Variants in SPATA16 observed in about 807,000 individuals in gnomAD.
SPATA16 encodes the protein spermatogenesis associated 16.
A neutral mutation model predicts 63.3 loss-of-function variants in SPATA16; 36 were observed. The observed-to-expected ratio is 0.57, with a 90% CI of 0.44 to 0.75. The LOEUF (loss-of-function observed/expected upper bound fraction) is 0.75. Among genes scored for constraint, SPATA16 ranks in the 30% least tolerant of loss-of-function variants. SPATA16 has a pLI of 0.00. For synonymous variants in SPATA16, 203 were observed against 216.7 expected, an observed-to-expected ratio of 0.94 and a Z score of 0.56; for missense variants, 646 against 679.3, an observed-to-expected ratio of 0.95 and a Z score of 0.54.
chr3:173,081,677 T>A (rs1736925106), intron 2 of SPATA16, among the ~76,000 whole-genome samples: 1 of 152,020 alleles, frequency 6.6e-6, no homozygotes, highest in East Asian at 1.9e-4. Context: ...GTGGAGTAAA[T>A]GAAAACACAG....
chr3:173,012,224 C>T (rs929191132), intron 4 of SPATA16, among the ~76,000 whole-genome samples: 6 of 152,046 alleles, frequency 3.9e-5, no homozygotes, highest in African/African-American at 1.5e-4. Flanking sequence ...AGGAACACAG[C>T]TAACTAAGGA....
intron 2 of SPATA16, among the ~76,000 whole-genome samples, chr3:173,056,086 A>C (rs1736214851): frequency 6.6e-6 from 1 of 152,178 alleles, no homozygotes; most frequent in Non-Finnish European, 1.5e-5. Context: ...GATTTCTATA[A>C]TAAGGAGTAA....
At chr3:172,903,318 G>GA (rs1336969987) in intron 10 of SPATA16, among the ~76,000 whole-genome samples, 1 of 152,190 alleles carries the variant, frequency 6.6e-6, no homozygotes, top group Admixed American at 6.5e-5. Context: ...GATGCATTTT[G>GA]AAAAACTTTT....
intron 8 of SPATA16, among the ~76,000 whole-genome samples, chr3:172,917,694 A>G (rs1236310656): frequency 6.6e-6 from 1 of 152,198 alleles, no homozygotes; most frequent in Non-Finnish European, 1.5e-5. Flanking sequence ...AGTAAAGACT[A>G]TTTTGGTTTG....
intron 4 of SPATA16, among the ~76,000 whole-genome samples, chr3:173,017,282 A>G (rs1420497233): frequency 2.6e-5 from 4 of 152,230 alleles, no homozygotes; most frequent in Non-Finnish European, 5.9e-5. Context: ...AAGAAGCATT[A>G]TCAGGTCAGT....
At chr3:173,056,562 G>A (rs1222726955) in intron 2 of SPATA16, among the ~76,000 whole-genome samples, 2 of 152,136 alleles carry the variant, frequency 1.3e-5, no homozygotes, top group East Asian at 3.9e-4. Context: ...AAATTAGCTG[G>A]AAGTGGTGGC....
chr3:173,032,236 A>G (rs1735622116), intron 3 of SPATA16, among the ~76,000 whole-genome samples: 2 of 152,134 alleles, frequency 1.3e-5, no homozygotes, highest in East Asian at 3.8e-4. Context: ...GAAAAATATT[A>G]AATTATTGAA....
intron 8 of SPATA16, among the ~76,000 whole-genome samples, chr3:172,918,583 T>G (rs1732550422): frequency 6.6e-6 from 1 of 152,032 alleles, no homozygotes; most frequent in Non-Finnish European, 1.5e-5. Context: ...GAAAAAGAAA[T>G]AAAATTGATA....
At chr3:173,075,149 G>T (rs557695951) in intron 2 of SPATA16, among the ~76,000 whole-genome samples, 2 of 140,996 alleles carry the variant, frequency 1.4e-5, no homozygotes, top group African/African-American at 5.2e-5. Flanking sequence ...AATAAAAGTT[G>T]AAATTATAAA....
rs1341307193 is a variant in SPATA16, at chr3:172,916,400, G to C, written c.1420C>G (p.Gln474Glu). 12 of 1,613,712 alleles carry C rather than the reference G, an allele frequency of 7.4e-6. No homozygotes were observed. The highest frequency in any genetic ancestry group is 1.0e-5 in the Non-Finnish European group (12 of 1,179,806). Residue 474 changes from glutamine (Q) to glutamate (E), a missense_variant, in exon 9 of 11, where the codon CAG (glutamine) becomes GAG (glutamate). By Grantham distance (29) the Gln-to-Glu change is conservative. Coordinates refer to ENST00000351008, the MANE Select transcript of SPATA16 (RefSeq NM_031955.6). ...LLSQLQRVKE[Q>E]SQVINQAMAE... ...ATTGCTTGATTAATCACCTGGGACT[G>C]CTCCTTTACTCTCTGCAGCTGGCTG...
intron 4 of SPATA16, among the ~76,000 whole-genome samples, chr3:173,012,116 T>A (rs1328971699): frequency 1.3e-5 from 2 of 152,204 alleles, no homozygotes; most frequent in African/African-American, 4.8e-5. Context: ...TGAGTCACCA[T>A]GCCTAGCATT....
chr3:172,960,247 C>G (rs1381622215), intron 5 of SPATA16, among the ~76,000 whole-genome samples: 5 of 152,150 alleles, frequency 3.3e-5, no homozygotes, highest in Admixed American at 3.3e-4. Context: ...CATAAATATT[C>G]TGTAATTGAA....
At chr3:172,951,607 TG>T (rs1338543880) in intron 6 of SPATA16, among the ~76,000 whole-genome samples, 2 of 152,178 alleles carry the variant, frequency 1.3e-5, no homozygotes, top group African/African-American at 4.8e-5. Context: ...GACTGTGAAT[TG>T]GGGGCTGGCT....
intron 2 of SPATA16, among the ~76,000 whole-genome samples, chr3:173,094,628 G>C (rs1035716684): frequency 6.6e-6 from 1 of 150,812 alleles, no homozygotes; most frequent in African/African-American, 2.4e-5. Flanking sequence ...GAGCATGTAA[G>C]CTATTCTAAT....
At chr3:173,137,872 C>CAG (rs1400381032) in intron 1 of SPATA16, among the ~76,000 whole-genome samples, 4 of 143,730 alleles carry the variant, frequency 2.8e-5, no homozygotes, top group Non-Finnish European at 6.2e-5. Context: ...CACACACACA[C>CAG]AGACACACAC....
intron 3 of SPATA16, among the ~76,000 whole-genome samples, chr3:173,046,676 T>C (rs1560105982): frequency 6.6e-6 from 1 of 152,164 alleles, no homozygotes; most frequent in East Asian, 1.9e-4. Context: ...GAATTCTGCA[T>C]TGAGTATATA....
At chr3:173,136,100 T>C (rs1421464833) in intron 1 of SPATA16, among the ~76,000 whole-genome samples, 1 of 152,178 alleles carries the variant, frequency 6.6e-6, no homozygotes, top group Non-Finnish European at 1.5e-5. Flanking sequence ...GATTTGATAG[T>C]TAGGAGGTGT....
intron 5 of SPATA16, among the ~76,000 whole-genome samples, chr3:172,964,972 C>A (rs935860603): frequency 6.6e-6 from 1 of 152,216 alleles, no homozygotes; most frequent in Non-Finnish European, 1.5e-5. Context: ...GACTAACTTT[C>A]TGTCATCAGG....
At chr3:172,972,942 G>T (rs1288133295) in intron 5 of SPATA16, among the ~76,000 whole-genome samples, 1 of 152,146 alleles carries the variant, frequency 6.6e-6, no homozygotes, top group Non-Finnish European at 1.5e-5. Flanking sequence ...CAAAGGAAAT[G>T]ACGTATTATA....
Sources: allele counts gnomAD v4.1 joint callset (sites outside exome capture counted in the v4.1 genomes callset), GRCh38; gene constraint gnomAD v4.1.1; transcripts MANE v1.5; gene names NCBI Gene and HGNC (gene_info 2026-07-23, HGNC 2026-07-21).